Variants in DNAH10 observed in about 807,000 individuals in gnomAD.
DNAH10 encodes dynein axonemal heavy chain 10.
Under a neutral mutation model 506.6 loss-of-function variants are expected in DNAH10, and 348 were observed. The ratio of observed to expected loss-of-function variants is 0.69; its 90% CI spans 0.63 to 0.75. The LOEUF (loss-of-function observed/expected upper bound fraction) is 0.75, where lower values mean the gene tolerates loss of function less well. Among genes scored for constraint, DNAH10 ranks in the 30% least tolerant of loss-of-function variants. The pLI, the probability that DNAH10 is intolerant of heterozygous loss-of-function variation, is 0.00. For synonymous variants in DNAH10, 2,059 were observed against 2,198.6 expected, an observed-to-expected ratio of 0.94 and a Z score of 1.78; for missense variants, 5,179 against 5,787.1, an observed-to-expected ratio of 0.89 and a Z score of 3.41.
In DNAH10 at chr12:123,879,888, AGCCTAT is replaced by A. The variant is rs1423494597; in HGVS notation, c.8634+88_8634+93del. On this transcript the variant is annotated intron_variant, in intron 50 of 78. Transcript: ENST00000673944. The stretch of plus-strand genomic sequence containing the variant: ...GCTGAGCATCGCGCGGGTGCCCGGG[AGCCTAT>A]CACCTGGGGCTCTGTCTGAGGGCTT... 5.2e-5 allele frequency: 77 copies of A among 1,480,896 alleles called. No individual in the cohort carries two copies. In the East Asian group the frequency reaches 1.3e-3, roughly 25 times the overall value. The allele number at this position is 1,480,896 out of a possible 1,614,324, so 91.7% of individuals were successfully genotyped here.
chr12:123,838,642 A>C lies in DNAH10; in HGVS notation c.5089A>C (p.Ile1697Leu). ...FFISDDELLS[I>L]LGSSDPLCVQ... ...CATTTCTGACGATGAGTTGCTTAGC[A>C]TTCTGGGGAGCAGCGACCCACTCTG... Residue 1697 changes from isoleucine (I) to leucine (L), a missense_variant, in exon 29 of 79, where the codon ATT becomes CTT. This residue lies in a region of DNAH10 where 4,844 missense variants were observed against 5,430.5 expected (regional missense o/e 0.89). Transcript: ENST00000673944. 6.2e-7 allele frequency: 1 copy of C among 1,613,998 alleles called. No homozygotes were observed. The highest frequency in any genetic ancestry group is 8.5e-7 in the Non-Finnish European group (1 of 1,179,892).
At position 123,861,009 on chromosome 12, in the gene DNAH10, TA is replaced by T; in HGVS notation, c.6750-2del. 1 of 1,613,970 alleles carries T rather than the reference TA, an allele frequency of 6.2e-7. No homozygotes were observed. Among genetic ancestry groups the T allele is most frequent in the Non-Finnish European group, 8.5e-7 (1 of 1,179,878 alleles). On this transcript the variant is annotated splice_acceptor_variant, in intron 38 of 78. Coordinates refer to ENST00000673944, the MANE Select transcript of DNAH10 (RefSeq NM_001372106.1). LOFTEE classifies it high-confidence loss of function. ...ACCATGGCTAAAGCCTCTCTTGATT[TA>T]GGCTTGGGCTGACGACAAAGTTGTA... is the stretch of plus-strand genomic sequence containing the variant.
chr12:123,811,610 C>T (rs943588894), intron 19 of DNAH10, among the ~76,000 whole-genome samples: 136 of 152,150 alleles, frequency 8.9e-4, no homozygotes, highest in African/African-American at 3.2e-3. Flanking sequence ...ATGCCATTCT[C>T]CTGCCTCAGC....
In DNAH10 at chr12:123,870,533, C is replaced by T. The variant is rs200091492; in HGVS notation, c.7639+48C>T. 1,341 of 1,591,500 alleles carry T rather than the reference C, an allele frequency of 8.4e-4. 2 individuals are homozygous for T. Among genetic ancestry groups the T allele is most frequent in the Non-Finnish European group, 1.0e-3 (1,221 of 1,170,202 alleles). On this transcript the variant is annotated intron_variant, in intron 44 of 78. Coordinates refer to ENST00000673944, the MANE Select transcript of DNAH10 (RefSeq NM_001372106.1). ...TTCCTGGGTTTAGGAGTGTGTGATA[C>T]TCGCTCTAGGAGGAGGCAAAGAAGA... is the stretch of plus-strand genomic sequence containing the variant.
intron 25 of DNAH10, among the ~76,000 whole-genome samples, chr12:123,829,916 C>T (rs942518508): frequency 2.6e-5 from 4 of 152,196 alleles, no homozygotes; most frequent in South Asian, 2.1e-4. Flanking sequence ...GAGCTGCCCC[C>T]GTTGTGTCTG....
chr12:123,888,004 A>G (rs1451940686), intron 52 of DNAH10, among the ~76,000 whole-genome samples: 1 of 152,176 alleles, frequency 6.6e-6, no homozygotes, highest in African/African-American at 2.4e-5. Flanking sequence ...TCGGCCTCCC[A>G]AAGTGCTGGG....
chr12:123,802,111 T>C (rs1182010458), intron 16 of DNAH10, among the ~76,000 whole-genome samples: 3 of 152,248 alleles, frequency 2.0e-5, no homozygotes, highest in Non-Finnish European at 4.4e-5. Flanking sequence ...ACGGTATCAA[T>C]GTACCATAGT....
At chr12:123,918,983 G>T in intron 65 of DNAH10, 34 bp downstream of exon 65, 1 of 1,527,904 alleles carries the variant, frequency 6.5e-7, no homozygotes, top group Non-Finnish European at 8.8e-7. Flanking sequence ...ACATGTTAGT[G>T]TAGTTTGGTG....
intron 23 of DNAH10, 30 bp downstream of exon 23, chr12:123,819,280 C>T (rs1485032197): frequency 1.6e-5 from 25 of 1,527,198 alleles, no homozygotes; most frequent in Middle Eastern, 1.7e-4. Flanking sequence ...TCTTACTGAG[C>T]GATCTGAGTA....
At chr12:123,848,999 T>A in intron 34 of DNAH10, 117 bp downstream of exon 34, 1 of 1,259,922 alleles carries the variant, frequency 7.9e-7, no homozygotes. Context: ...AGGCTTCCTG[T>A]AGAAGATCTG....
intron 10 of DNAH10, among the ~76,000 whole-genome samples, chr12:123,789,434 A>AGTGC (rs1957995559): frequency 6.6e-6 from 1 of 151,494 alleles, no homozygotes; most frequent in African/African-American, 2.4e-5. Flanking sequence ...CCCAGGCTGG[A>AGTGC]GTGCAGTGGT....
In DNAH10 at chr12:123,803,711, T is replaced by A; in HGVS notation, c.2665T>A (p.Ser889Thr). 1.2e-6 allele frequency: 2 copies of A among 1,609,694 alleles called. No homozygotes were observed. The highest frequency in any genetic ancestry group is 8.5e-7 in the Non-Finnish European group (1 of 1,178,792). Residue 889 changes from serine (S) to threonine (T), a missense_variant, in exon 17 of 79, where the codon TCT (serine) becomes ACT (threonine). By Grantham distance (58) the Ser-to-Thr change is moderately conservative. Coordinates refer to ENST00000673944, the MANE Select transcript of DNAH10 (RefSeq NM_001372106.1). ...GCKQAIGKFE[S>T]LVHQIHKNAD... The stretch of plus-strand genomic sequence containing the variant: ...CAAACAGGCCATTGGGAAATTTGAG[T>A]CTCTCGTCCACCAGATTCATAAGAA...
chr12:123,929,185 G>A, intron 70 of DNAH10, 90 bp from the exon 71 acceptor site: 2 of 1,343,418 alleles, frequency 1.5e-6, no homozygotes, highest in Non-Finnish European at 1.0e-6. Context: ...CCGTAGAGAG[G>A]AAGGAAAGCG....
intron 47 of DNAH10, 31 bp from the exon 48 acceptor site, chr12:123,877,705 G>A (rs940391299): frequency 1.3e-6 from 2 of 1,552,670 alleles, no homozygotes; most frequent in African/African-American, 3.2e-5. Context: ...GGACATTTGT[G>A]TGTTGGGGGG....
intron 1 of DNAH10, among the ~76,000 whole-genome samples, chr12:123,764,713 C>A (rs1593940913): frequency 6.6e-6 from 1 of 152,172 alleles, no homozygotes; most frequent in Non-Finnish European, 1.5e-5. Flanking sequence ...AGAACTCCCC[C>A]ACCCCGCCCC....
intron 19 of DNAH10, among the ~76,000 whole-genome samples, chr12:123,812,177 C>T (rs904835230): frequency 1.1e-4 from 16 of 152,074 alleles, no homozygotes; most frequent in Admixed American, 3.3e-4. Context: ...CTTGGCCGGG[C>T]GCAGTGGCTC....
At chr12:123,801,475 C>T (rs1185641320) in intron 16 of DNAH10, 43 bp downstream of exon 16, 1 of 1,585,910 alleles carries the variant, frequency 6.3e-7, no homozygotes, top group Non-Finnish European at 8.6e-7. Flanking sequence ...ACTTGGGATG[C>T]AAAGTAATTC....
Position 123,913,396 on chromosome 12 carries a change from A to G in DNAH10, c.10352+81A>G, listed in dbSNP as rs1384823194. ...GAGTTTCTCGCCATGTTGATTCTTT[A>G]TCTCACGTTGTGTTTTTATGTGAAA... On this transcript the variant is annotated intron_variant, in intron 60 of 78. Transcript: ENST00000673944. The surrounding 1 kb of genome is among the most constrained non-coding windows in gnomAD (Gnocchi z 5.1). 1 of 1,400,976 alleles carries G rather than the reference A, an allele frequency of 7.1e-7. No individual in the cohort carries two copies. Among genetic ancestry groups the G allele is most frequent in the African/African-American group, 1.4e-5 (1 of 68,996 alleles). 86.8% of individuals were successfully genotyped at this position (1,400,976 alleles called of 1,614,324 possible).
intron 36 of DNAH10, among the ~76,000 whole-genome samples, chr12:123,854,602 C>T (rs1020233201): frequency 2.0e-5 from 3 of 152,196 alleles, no homozygotes; most frequent in Non-Finnish European, 4.4e-5. Flanking sequence ...AAAAAACAGC[C>T]TCCTTTTCTA....
Sources: gnomAD v4.1 joint callset for allele counts (sites outside exome capture counted in the v4.1 genomes callset) on GRCh38, gnomAD v4.1.1 for gene constraint, gnomAD v4.1.1 regional missense constraint, Gnocchi (gnomAD v3.1) non-coding constraint, MANE v1.5 for transcripts, NCBI Gene and HGNC (gene_info 2026-07-23, HGNC 2026-07-21) for gene names.